Variants in TPRKB observed in about 807,000 individuals in gnomAD.
TPRKB encodes the protein TP53RK binding protein.
Under a neutral mutation model 17.8 loss-of-function variants are expected in TPRKB, and 11 were observed. The ratio of observed to expected loss-of-function variants is 0.62; its 90% CI spans 0.39 to 1.02. TPRKB has a LOEUF of 1.02. Among genes scored for constraint, TPRKB ranks in the 50% least tolerant of loss-of-function variants. The probability of loss-of-function intolerance (pLI) is 0.00; values close to 1 mark genes in which losing one functional copy is unlikely to be tolerated. For synonymous variants in TPRKB, 71 were observed against 69.5 expected (o/e 1.02, Z -0.11); for missense variants, 228 against 198.0 (o/e 1.15, Z -0.91).
chr2:73,732,455 T>G lies in TPRKB; in HGVS notation c.142-170A>C, dbSNP rs1462407616. ...GGCTGGGCACGGTGGCTCACACCTG[T>G]AATCCTAGCACTTTGGGAGGCCAAG... is the stretch of plus-strand genomic sequence containing the variant. On this transcript the variant is annotated intron_variant, in intron 2 of 4. Transcript: ENST00000272424. The G allele has an allele frequency of 8.3e-6, 6 of 723,896 alleles. No homozygotes were observed. In the African/African-American group the frequency reaches 1.1e-4, roughly 13 times the overall value. The allele number at this position is 723,896 out of a possible 1,614,324, so 44.8% of individuals were successfully genotyped here. A position where few individuals can be genotyped will look rare whatever the true frequency, so the allele number is the denominator to read the frequency against.
intron 3 of TPRKB, among the ~76,000 whole-genome samples, chr2:73,731,457 G>A (rs1162444042): frequency 1.3e-5 from 2 of 152,118 alleles, no homozygotes; most frequent in African/African-American, 2.4e-5. Flanking sequence ...TCCAGGTACT[G>A]GGAATCTCTA....
intron 4 of TPRKB, 157 bp from the exon 5 acceptor site, chr2:73,730,186 C>A (rs1374067986): frequency 3.4e-6 from 3 of 874,750 alleles, no homozygotes; most frequent in East Asian, 3.4e-5. Context: ...AAGTAGAGGG[C>A]AATTCATTAC....
intron 4 of TPRKB, chr2:73,730,345 T>G (rs1671540156): frequency 2.2e-6 from 1 of 454,696 alleles, no homozygotes; most frequent in Admixed American, 4.4e-5. Context: ...TTTCTTAATG[T>G]GGAGAATGGT....
At chr2:73,731,477 T>A (rs564423642) in intron 3 of TPRKB, among the ~76,000 whole-genome samples, 1 of 152,322 alleles carries the variant, frequency 6.6e-6, no homozygotes, top group Non-Finnish European at 1.5e-5. Context: ...ATTACCATGC[T>A]GAGATAACTG....
rs1032450283 is a variant in TPRKB, at chr2:73,737,307, G to C, written c.-28C>G. The C allele has an allele frequency of 1.3e-5, 2 of 152,176 alleles. No homozygotes were observed. The highest frequency in any genetic ancestry group is 4.8e-5 in the African/African-American group (2 of 41,408). 9.4% of individuals were successfully genotyped at this position (152,176 alleles called of 1,614,324 possible). A position where few individuals can be genotyped will look rare whatever the true frequency, so the allele number is the denominator to read the frequency against. On this transcript the variant is annotated 5_prime_UTR_variant, in exon 1 of 5. Transcript: ENST00000272424. ...AGAGCGCAAGGAAAACTCACCATCC[G>C]GCCCCCAGTGCGTCTCGGAAGAGCT...
At chr2:73,735,670 A>T (rs1671846926) in intron 1 of TPRKB, among the ~76,000 whole-genome samples, 1 of 152,254 alleles carries the variant, frequency 6.6e-6, no homozygotes, top group Non-Finnish European at 1.5e-5. Context: ...GACAACTTGA[A>T]TAACCAGAAA....
intron 1 of TPRKB, among the ~76,000 whole-genome samples, chr2:73,736,387 A>G (rs940376960): frequency 6.6e-6 from 1 of 152,196 alleles, no homozygotes; most frequent in Admixed American, 6.5e-5. Flanking sequence ...TTTGTTATGT[A>G]TGTTCTGAAT....
intron 3 of TPRKB, 141 bp from the exon 4 acceptor site, chr2:73,730,877 C>CT: frequency 1.8e-6 from 1 of 550,538 alleles, no homozygotes; most frequent in African/African-American, 2.0e-5. Context: ...TACTTTTTCA[C>CT]TTTAATGATT....
At position 73,734,668 on chromosome 2, in the gene TPRKB, A is replaced by T. The variant is rs116434782; in HGVS notation, c.-22-77T>A. On this transcript the variant is annotated intron_variant, in intron 1 of 4. Transcript: ENST00000272424. ...AACTCATTTCTTAATAAATATTCAA[A>T]AACTTTGAAAGTAACTTGATAAAAG... The T allele has an allele frequency of 2.0e-3, 2,599 of 1,302,158 alleles. 50 individuals are homozygous for T. In the African/African-American group the frequency reaches 0.034, roughly 17 times the overall value. The allele number at this position is 1,302,158 out of a possible 1,614,324, so 80.7% of individuals were successfully genotyped here.
chr2:73,736,258 A>G (rs189330499), intron 1 of TPRKB, among the ~76,000 whole-genome samples: 153 of 152,284 alleles, frequency 1.0e-3, no homozygotes, highest in African/African-American at 3.6e-3. Flanking sequence ...TAGGATCCCA[A>G]TTATATAAAA....
chr2:73,733,573 C>A (rs536532743), intron 2 of TPRKB, among the ~76,000 whole-genome samples: 1 of 151,970 alleles, frequency 6.6e-6, no homozygotes, highest in East Asian at 1.9e-4. Flanking sequence ...TTGTTAGGAA[C>A]CCCCATTTTA....
At chr2:73,736,890 T>G (rs917823093) in intron 1 of TPRKB, among the ~76,000 whole-genome samples, 1 of 152,168 alleles carries the variant, frequency 6.6e-6, no homozygotes, top group Non-Finnish European at 1.5e-5. Flanking sequence ...TGGCCTTCTC[T>G]AAGCTCAAGT....
At chr2:73,732,579 C>T (rs1337792322) in intron 2 of TPRKB, 5 of 282,384 alleles carry the variant, frequency 1.8e-5, no homozygotes, top group Admixed American at 1.0e-4. Flanking sequence ...CGTGGTGGCA[C>T]GCACCTGTAA....
chr2:73,734,429 C>T lies in TPRKB; in HGVS notation c.141G>A (p.Val47=), dbSNP rs554514265. The T allele has an allele frequency of 1.2e-5, 20 of 1,607,842 alleles. No homozygotes were observed. In the African/African-American group the frequency reaches 2.7e-4, roughly 22 times the overall value. The change falls in exon 2 of 5, where the codon GTG becomes GTA. Residue 47 remains valine, a splice_region_variant and synonymous_variant. Transcript: ENST00000272424. ...TIDGSLINPT[V]IVDPFQILVA... ...ATTCATTCTTAAAATTTATATTTAC[C>T]ACTGTAGGATTTATCAGTGATCCAT...
intron 2 of TPRKB, 147 bp from the exon 3 acceptor site, chr2:73,732,432 C>G (rs1385872040): frequency 1.0e-6 from 1 of 961,156 alleles, no homozygotes; most frequent in Admixed American, 2.9e-5. Context: ...ATTATCCCGG[C>G]TGGGCACGGT....
chr2:73,732,005 G>T, intron 3 of TPRKB, 158 bp downstream of exon 3: 2 of 762,734 alleles, frequency 2.6e-6, no homozygotes, highest in South Asian at 2.2e-5. Flanking sequence ...CTTAGTAAGA[G>T]GCAGGGTTAA....
chr2:73,732,118 A>T (rs1270157224), intron 3 of TPRKB, 45 bp downstream of exon 3: 2 of 1,593,914 alleles, frequency 1.3e-6, no homozygotes, highest in South Asian at 2.3e-5. Context: ...AGGAACACAT[A>T]TGTTATTATG....
At position 73,734,512 on chromosome 2, in the gene TPRKB, A is replaced by ATAAC; in HGVS notation, c.54_57dup (p.Phe20ValfsTer3). The ATAAC allele has an allele frequency of 6.2e-7, 1 of 1,614,152 alleles. No individual in the cohort carries two copies. Among genetic ancestry groups the ATAAC allele is most frequent in the East Asian group, 2.2e-5 (1 of 44,894 alleles). ...TCTCCCGCATTTTTTACATCTTTAA[A>ATAAC]TAACAGAAGGGTTACCCTGCATTCG... On this transcript the variant is annotated frameshift_variant, in exon 2 of 5. Coordinates refer to ENST00000272424, the MANE Select transcript of TPRKB (RefSeq NM_016058.5). LOFTEE classifies it high-confidence loss of function.
At chr2:73,736,178 T>C (rs1459701812) in intron 1 of TPRKB, among the ~76,000 whole-genome samples, 1 of 152,184 alleles carries the variant, frequency 6.6e-6, no homozygotes, top group African/African-American at 2.4e-5. Flanking sequence ...TTGTGAACGA[T>C]ATCCTGGCAC....
Sources: gnomAD v4.1 joint callset for allele counts (sites outside exome capture counted in the v4.1 genomes callset) on GRCh38, gnomAD v4.1.1 for gene constraint, MANE v1.5 for transcripts, NCBI Gene and HGNC (gene_info 2026-07-23, HGNC 2026-07-21) for gene names.